Variants in PCDHA2 observed in about 807,000 individuals in gnomAD.
The protein encoded by PCDHA2 is protocadherin alpha 2, also known as protocadherin alpha-2.
PCDHA2 carries 58 observed loss-of-function variants against 66.0 expected under a neutral mutation model. The ratio of observed to expected loss-of-function variants is 0.88; its 90% confidence interval spans 0.71 to 1.09. The LOEUF is 1.09. Among genes scored for constraint, PCDHA2 ranks in the 50% least tolerant of loss-of-function variants. The pLI is 0.00. For missense variants in PCDHA2, 1,267 were observed against 1,242.3 expected (o/e 1.02, Z -0.30); for synonymous variants, 634 against 554.0 (o/e 1.14, Z -2.03).
intron 1 of PCDHA2, chr5:140,865,407 G>A (rs2048863469): frequency 6.6e-6 from 1 of 152,160 alleles, no homozygotes; most frequent in Non-Finnish European, 1.5e-5. Flanking sequence ...TGCTGAAAAG[G>A]AATTAGTAGT....
chr5:140,821,740 A>C (rs1767041750), intron 1 of PCDHA2: 1 of 1,551,082 alleles, frequency 6.4e-7, no homozygotes, highest in Non-Finnish European at 8.7e-7. Flanking sequence ...TTGTGTGGTG[A>C]TGCAATAGAA....
intron 1 of PCDHA2, chr5:140,876,828 G>T: frequency 1.2e-6 from 2 of 1,614,170 alleles, no homozygotes; most frequent in Non-Finnish European, 1.7e-6. Context: ...ACGACAATGC[G>T]CCTGCGTTCG....
intron 1 of PCDHA2, chr5:140,802,023 G>A (rs1762830770): frequency 6.2e-7 from 1 of 1,614,194 alleles, no homozygotes; most frequent in African/African-American, 1.3e-5. Flanking sequence ...AGTAAATAAG[G>A]ATATCGCGTA....
chr5:140,828,893 G>C (rs2150160291), intron 1 of PCDHA2: 2 of 1,614,238 alleles, frequency 1.2e-6, no homozygotes, highest in Non-Finnish European at 1.7e-6. Flanking sequence ...GAATGCTTCT[G>C]ATCGGGATGA....
chr5:140,843,692 T>C, intron 1 of PCDHA2: 2 of 1,586,786 alleles, frequency 1.3e-6, no homozygotes, highest in South Asian at 2.2e-5. Flanking sequence ...AGAGCAAGAT[T>C]TAAATGTTGA....
At position 141,010,020 on chromosome 5, in the gene PCDHA2, TTCCTA is replaced by T. The variant is rs1554262638; in HGVS notation, c.*86_*90del. 6.4e-7 allele frequency: 1 copy of T among 1,572,330 alleles called. No individual in the cohort carries two copies. Among genetic ancestry groups the T allele is most frequent in the Non-Finnish European group, 8.6e-7 (1 of 1,163,268 alleles). On this transcript the variant is annotated 3_prime_UTR_variant, in exon 4 of 4. Coordinates refer to ENST00000526136, the MANE Select transcript of PCDHA2 (RefSeq NM_018905.3). ...CCATGTAGCAATTCCCTGCTCCTTT[TTCCTA>T]TCTACATGAGCCCTCTTAGAGACCT...
At chr5:140,886,254 CTATT>C (rs1407308299) in intron 1 of PCDHA2, among the ~76,000 whole-genome samples, 1 of 151,720 alleles carries the variant, frequency 6.6e-6, no homozygotes, top group African/African-American at 2.4e-5. Context: ...AAAAGTATCT[CTATT>C]TATAGATAAA....
Position 140,843,714 on chromosome 5 carries a change from A to C in PCDHA2, c.2388+46362A>C, listed in dbSNP as rs782749981. ...GATTTAAATGTTGATCATGGCCTCA[A>C]AGTAAGTCCATTTAAATTTAGAACT... is the stretch of plus-strand genomic sequence containing the variant. On this transcript the variant is annotated intron_variant, in intron 1 of 3. Transcript: ENST00000526136. The C allele has an allele frequency of 2.5e-6, 4 of 1,569,610 alleles. 1 individual carries two copies. The highest frequency in any genetic ancestry group is 1.4e-5 in the African/African-American group (1 of 73,998).
At chr5:140,884,354 G>A (rs2060118274) in intron 1 of PCDHA2, 1 of 1,613,952 alleles carries the variant, frequency 6.2e-7, no homozygotes, top group African/African-American at 1.3e-5. Context: ...GCTGGTGGAT[G>A]TCAATGTTTA....
chr5:140,810,815 T>C (rs1554125577), intron 1 of PCDHA2: 1 of 152,174 alleles, frequency 6.6e-6, no homozygotes, highest in East Asian at 1.9e-4. Context: ...TTCTTTTTTG[T>C]CTTTTGGTGA....
chr5:140,836,831 A>G lies in PCDHA2; in HGVS notation c.2388+39479A>G, dbSNP rs927373808. 3.2e-6 allele frequency: 3 copies of G among 927,304 alleles called. No individual in the cohort carries two copies. In the African/African-American group the frequency reaches 5.0e-5, roughly 16 times the overall value. The allele number at this position is 927,304 out of a possible 1,614,324, so 57.4% of individuals were successfully genotyped here. ...TCTTTCATAATTTCTTTTTTAGTTG[A>G]TAGCTTTATGTATAATTATTATTTT... On this transcript the variant is annotated intron_variant, in intron 1 of 3. Coordinates refer to ENST00000526136, the MANE Select transcript of PCDHA2 (RefSeq NM_018905.3).
intron 1 of PCDHA2, chr5:140,863,439 T>C (rs781855193): frequency 3.3e-6 from 2 of 606,238 alleles, no homozygotes; most frequent in East Asian, 4.7e-5. Context: ...GATCTGGTCT[T>C]ACTCGCAGCA....
intron 1 of PCDHA2, among the ~76,000 whole-genome samples, chr5:140,963,588 A>G (rs1554226668): frequency 6.6e-6 from 1 of 152,218 alleles, no homozygotes; most frequent in African/African-American, 2.4e-5. Flanking sequence ...AATGTAGGAT[A>G]TAGTTCTAGA....
At chr5:140,878,577 G>A (rs1228813773) in intron 1 of PCDHA2, among the ~76,000 whole-genome samples, 2 of 152,122 alleles carry the variant, frequency 1.3e-5, no homozygotes, top group African/African-American at 2.4e-5. Context: ...GTATACCACT[G>A]CCCTGTGCCT....
chr5:140,969,190 T>C, intron 1 of PCDHA2: 2 of 1,614,072 alleles, frequency 1.2e-6, no homozygotes, highest in Non-Finnish European at 1.7e-6. Flanking sequence ...CTTTCATGTT[T>C]TACAATACAG....
intron 3 of PCDHA2, among the ~76,000 whole-genome samples, chr5:140,992,926 A>C (rs2097533873): frequency 6.6e-6 from 1 of 152,226 alleles, no homozygotes; most frequent in African/African-American, 2.4e-5. Context: ...CCATACTTAC[A>C]GCAGCTCTGA....
At chr5:140,824,290 T>G (rs1414712153) in intron 1 of PCDHA2, 1 of 971,324 alleles carries the variant, frequency 1.0e-6, no homozygotes, top group African/African-American at 1.6e-5. Flanking sequence ...TTTATGAGGC[T>G]TTTCTGCTGG....
intron 3 of PCDHA2, among the ~76,000 whole-genome samples, chr5:141,007,371 TG>T (rs2098319446): frequency 7.8e-6 from 1 of 128,740 alleles, no homozygotes. Context: ...GGCAACATGA[TG>T]GAACACCATC....
chr5:140,829,529 C>G (rs2150169515), intron 1 of PCDHA2: 1 of 1,613,270 alleles, frequency 6.2e-7, no homozygotes, highest in East Asian at 2.2e-5. Context: ...GGTGTCTGCG[C>G]GAGACGCGGA....
Sources: allele counts gnomAD v4.1 joint callset (sites outside exome capture counted in the v4.1 genomes callset), GRCh38; gene constraint gnomAD v4.1.1; transcripts MANE v1.5; gene names NCBI Gene and HGNC (gene_info 2026-07-23, HGNC 2026-07-21).